ANOS1: variants seen among roughly 807,000 people sequenced by gnomAD.
ANOS1 encodes the protein anosmin 1, also known as anosmin-1.
Under a neutral mutation model 59.0 loss-of-function variants are expected in ANOS1, and 6 were observed. The observed-to-expected ratio is 0.10, with a 90% CI of 0.06 to 0.20. The LOEUF (loss-of-function observed/expected upper bound fraction) is 0.20. Ranked by LOEUF, ANOS1 falls within the 10% of genes least tolerant of loss-of-function variation. ANOS1 has a pLI of 1.00. For missense variants in ANOS1, 433 were observed against 542.3 expected, an observed-to-expected ratio of 0.80 and a Z score of 2.00; for synonymous variants, 217 against 223.4, an observed-to-expected ratio of 0.97 and a Z score of 0.25.
chrX:8,683,974 G>A (rs993740343), intron 2 of ANOS1, among the ~76,000 whole-genome samples: 3 of 111,556 alleles, frequency 2.7e-5, no homozygotes, highest in Admixed American at 9.6e-5. Context: ...CTAGGACTGC[G>A]CAGAAAATGA....
chrX:8,665,797 T>A (rs1014411641), intron 2 of ANOS1, among the ~76,000 whole-genome samples: 1 of 112,567 alleles, frequency 8.9e-6, no homozygotes, highest in African/African-American at 3.2e-5. Flanking sequence ...GGTGGCAATA[T>A]CCACCATGAT....
rs199652310 is a variant in ANOS1, at chrX:8,534,371, C to T, written c.1932G>A (p.Pro644=). 2.9e-5 allele frequency: 35 copies of T among 1,208,955 alleles called. No individual in the cohort carries two copies. In the Admixed American group the frequency reaches 4.8e-4, roughly 17 times the overall value. Residue 644 remains proline, a synonymous_variant, in exon 13 of 14, where the codon CCG becomes CCA. Transcript: ENST00000262648. ...VQVLTPGGEG[P]ATIKTFRTPE... ...GCGTCCGGAACGTCTTGATGGTGGC[C>T]GGCCCCTCCCCTCCTGGGGTCAGCA...
chrX:8,653,606 C>T (rs1249819279), intron 2 of ANOS1, among the ~76,000 whole-genome samples: 2 of 111,945 alleles, frequency 1.8e-5, no homozygotes, highest in Non-Finnish European at 3.8e-5. Flanking sequence ...TACAAATACA[C>T]ATGACCTTTT....
At chrX:8,695,699 G>GA (rs774226890) in intron 2 of ANOS1, among the ~76,000 whole-genome samples, 7,496 of 51,555 alleles carry the variant, frequency 0.15, 554 homozygotes, top group African/African-American at 0.29. Context: ...TATAAGGGTG[G>GA]AAAAAAAAAA....
chrX:8,543,756 C>A (rs1252409135), intron 9 of ANOS1, among the ~76,000 whole-genome samples: 1 of 110,557 alleles, frequency 9.0e-6, no homozygotes, highest in Non-Finnish European at 1.9e-5. Context: ...CCCAGCTACT[C>A]GGGAGGCTGA....
rs1929461968 is a variant in ANOS1, at chrX:8,529,446, A to C, written c.*3549T>G. On this transcript the variant is annotated 3_prime_UTR_variant, in exon 14 of 14. Transcript: ENST00000262648. ...GTTTTAGAGTTATTTGCAACCATAGAAATGAGTAAACTTGAAAACCCACGG... is the reference window on the plus strand; with the variant it reads ...GTTTTAGAGTTATTTGCAACCATAGCAATGAGTAAACTTGAAAACCCACGG... The C allele has an allele frequency of 8.9e-6, 1 of 112,382 alleles. No homozygotes were observed. The highest frequency in any genetic ancestry group is 3.7e-4 in the South Asian group (1 of 2,718). 9.3% of individuals were successfully genotyped at this position (112,382 alleles called of 1,213,427 possible).
intron 4 of ANOS1, among the ~76,000 whole-genome samples, chrX:8,590,049 A>C (rs989795257): frequency 9.0e-6 from 1 of 110,737 alleles, no homozygotes; most frequent in Non-Finnish European, 1.9e-5. Flanking sequence ...CTGCATCTCA[A>C]TCTCTTTTTC....
intron 4 of ANOS1, among the ~76,000 whole-genome samples, chrX:8,595,861 T>C (rs187169358): frequency 4.7e-4 from 52 of 111,116 alleles, no homozygotes; most frequent in African/African-American, 1.6e-3. Flanking sequence ...TGGACAAAGC[T>C]TCAACTGTAT....
intron 8 of ANOS1, among the ~76,000 whole-genome samples, chrX:8,567,014 G>A (rs1930125881): frequency 9.0e-6 from 1 of 111,546 alleles, no homozygotes; most frequent in African/African-American, 3.3e-5. Flanking sequence ...AATCAACATC[G>A]GAGGAGCCCC....
chrX:8,542,103 A>G (rs1412783583), intron 9 of ANOS1, among the ~76,000 whole-genome samples: 3 of 104,484 alleles, frequency 2.9e-5, no homozygotes, highest in African/African-American at 7.2e-5. Context: ...CTGCACTTTC[A>G]TCTTCTCTCT....
At chrX:8,541,414 C>A (rs761491668) in intron 9 of ANOS1, among the ~76,000 whole-genome samples, 33 of 101,654 alleles carry the variant, frequency 3.2e-4, no homozygotes, top group African/African-American at 1.0e-3. Context: ...CCACCACCCC[C>A]CCCCCAAAAA....
intron 3 of ANOS1, among the ~76,000 whole-genome samples, chrX:8,602,600 C>T (rs1197094645): frequency 2.7e-5 from 3 of 111,342 alleles, no homozygotes; most frequent in African/African-American, 9.8e-5. Flanking sequence ...GTTCTATTTC[C>T]TGTTTCTAAA....
At chrX:8,556,751 C>T (rs1929956236) in intron 8 of ANOS1, among the ~76,000 whole-genome samples, 1 of 111,936 alleles carries the variant, frequency 8.9e-6, no homozygotes, top group Admixed American at 9.5e-5. Flanking sequence ...GGACATACTA[C>T]CCAAAGTAAT....
At chrX:8,699,959 T>C (rs936505474) in intron 1 of ANOS1, among the ~76,000 whole-genome samples, 2 of 112,169 alleles carry the variant, frequency 1.8e-5, no homozygotes, top group Non-Finnish European at 3.8e-5. Flanking sequence ...AACAAAGACA[T>C]ATAAAATACT....
intron 4 of ANOS1, 130 bp from the exon 5 acceptor site, chrX:8,588,108 C>A: frequency 1.6e-6 from 1 of 613,775 alleles, no homozygotes; most frequent in Non-Finnish European, 2.6e-6. Flanking sequence ...ATAAAAGTGG[C>A]CTCTCCATAC....
chrX:8,640,702 C>G (rs1218499568), intron 2 of ANOS1, among the ~76,000 whole-genome samples: 1 of 109,055 alleles, frequency 9.2e-6, no homozygotes, highest in African/African-American at 3.3e-5. Flanking sequence ...AACCCTGTTG[C>G]TATAATTGGG....
At chrX:8,646,932 CA>C (rs775821235) in intron 2 of ANOS1, among the ~76,000 whole-genome samples, 10,950 of 51,803 alleles carry the variant, frequency 0.21, 1,262 homozygotes, top group African/African-American at 0.43. Context: ...GAACCTGTCT[CA>C]AAAAAAAAAA....
At chrX:8,551,504 C>T (rs1228106123) in intron 9 of ANOS1, among the ~76,000 whole-genome samples, 2 of 107,574 alleles carry the variant, frequency 1.9e-5, no homozygotes, top group African/African-American at 3.4e-5. Flanking sequence ...CCGGGCATGG[C>T]GGCAGCCACC....
chrX:8,691,499 A>AGATGGATGGATG (rs747847381), intron 2 of ANOS1, among the ~76,000 whole-genome samples: 7 of 110,951 alleles, frequency 6.3e-5, no homozygotes, highest in African/African-American at 2.0e-4. Flanking sequence ...AGACAGATTA[A>AGATGGATGGATG]GATGGATGGA....
Sources: allele counts gnomAD v4.1 joint callset (sites outside exome capture counted in the v4.1 genomes callset), GRCh38; gene constraint gnomAD v4.1.1; transcripts MANE v1.5; gene names NCBI Gene and HGNC (gene_info 2026-07-23, HGNC 2026-07-21).